Variants in OGDH observed in about 807,000 individuals in gnomAD.
The protein encoded by OGDH is 2-oxoglutarate dehydrogenase complex component E1.
In OGDH, 38 loss-of-function variants were observed where a neutral mutation model predicts 116.6. The observed-to-expected ratio is 0.33, with a 90% CI of 0.25 to 0.43. OGDH has a LOEUF of 0.43. OGDH is among the 20% of genes least tolerant of loss of function. The probability of loss-of-function intolerance (pLI) is 1.00; values close to 1 mark genes in which losing one functional copy is unlikely to be tolerated. For synonymous variants in OGDH, 488 were observed against 533.3 expected, an observed-to-expected ratio of 0.92 and a Z score of 1.17; for missense variants, 825 against 1,357.2, an observed-to-expected ratio of 0.61 and a Z score of 6.16.
intron 8 of OGDH, 23 bp downstream of exon 8, chr7:44,675,291 C>G (rs763550348): frequency 1.6e-5 from 26 of 1,593,656 alleles, no homozygotes; most frequent in Non-Finnish European, 2.2e-5. Context: ...CATAGAGACA[C>G]ATCCAGCATA....
rs545113410 is a variant in OGDH, at chr7:44,703,232, A to C, written c.2632+1617A>C. On this transcript the variant is annotated intron_variant, in intron 20 of 22. Coordinates refer to ENST00000222673, the MANE Select transcript of OGDH (RefSeq NM_002541.4). ...CAAGTTTGAGACGAGCCTGGCCAAC[A>C]GGGTGAAACCCCGTCTCTATTAAAA... Among the ~76,000 whole-genome samples, 227 of 152,194 alleles carry C rather than the reference A, an allele frequency of 1.5e-3. 1 individual carries two copies. The highest frequency in any genetic ancestry group is 5.4e-3 in the African/African-American group (223 of 41,540).
intron 1 of OGDH, among the ~76,000 whole-genome samples, chr7:44,611,821 G>C (rs914455119): frequency 2.0e-5 from 3 of 150,422 alleles, no homozygotes; most frequent in Admixed American, 2.0e-4. Context: ...TTGATGAACA[G>C]TTTTTAATTT....
At chr7:44,683,475 C>G (rs1788013380) in intron 10 of OGDH, among the ~76,000 whole-genome samples, 1 of 152,140 alleles carries the variant, frequency 6.6e-6, no homozygotes, top group South Asian at 2.1e-4. Flanking sequence ...AAGTGATCCT[C>G]CCATCTTGGT....
Position 44,628,927 on chromosome 7 carries a change from C to T in OGDH, c.222+4362C>T, listed in dbSNP as rs76107015. ...TCTCTGTGGTGGGCCCATCTGCCAT[C>T]TCCCTTTTGTTCCTACCTTTGGTCC... On this transcript the variant is annotated intron_variant, in intron 2 of 22. Coordinates refer to ENST00000222673, the MANE Select transcript of OGDH (RefSeq NM_002541.4). Among the ~76,000 whole-genome samples, 394 of 152,266 alleles carry T rather than the reference C, an allele frequency of 2.6e-3. 6 individuals carry two copies. In the East Asian group the frequency reaches 0.036, roughly 14 times the overall value.
chr7:44,675,311 T>A, intron 8 of OGDH, 43 bp downstream of exon 8: 2 of 1,486,708 alleles, frequency 1.3e-6, no homozygotes, highest in Non-Finnish European at 1.9e-6. Flanking sequence ...AGCCCCAACT[T>A]ACACAAGACC....
In OGDH at chr7:44,708,277, T is replaced by C. The variant is rs569060305; in HGVS notation, c.*278T>C. ...GAAAGGTAGCCCCCGAGGGATGTCC[T>C]TGGGGAGGGGTCAGCTCTGGCCACA... On this transcript the variant is annotated 3_prime_UTR_variant, in exon 23 of 23. Coordinates refer to ENST00000222673, the MANE Select transcript of OGDH (RefSeq NM_002541.4). 17 of 390,968 alleles carry C rather than the reference T, an allele frequency of 4.3e-5. No homozygotes were observed. Among genetic ancestry groups the C allele is most frequent in the Middle Eastern group, 7.5e-4 (1 of 1,334 alleles). The allele number at this position is 390,968 out of a possible 1,614,324, so 24.2% of individuals were successfully genotyped here. A position where few individuals can be genotyped will look rare whatever the true frequency, so the allele number is the denominator to read the frequency against.
intron 9 of OGDH, among the ~76,000 whole-genome samples, chr7:44,678,338 C>T (rs183889565): frequency 3.9e-5 from 6 of 152,194 alleles, no homozygotes; most frequent in Admixed American, 2.0e-4. Flanking sequence ...ATGAGATTAC[C>T]GAAAACTTTG....
intron 1 of OGDH, among the ~76,000 whole-genome samples, chr7:44,621,850 T>C (rs1785022067): frequency 6.7e-6 from 1 of 150,350 alleles, no homozygotes; most frequent in Non-Finnish European, 1.5e-5. Context: ...CAGCCTGGAC[T>C]ACAGAGCAAG....
At chr7:44,628,105 C>T (rs887219751) in intron 2 of OGDH, among the ~76,000 whole-genome samples, 1 of 152,208 alleles carries the variant, frequency 6.6e-6, no homozygotes, top group Non-Finnish European at 1.5e-5. Flanking sequence ...AAAATCTATT[C>T]CCTACCCCAG....
At chr7:44,706,438 C>T (rs891791045) in intron 20 of OGDH, among the ~76,000 whole-genome samples, 12 of 151,402 alleles carry the variant, frequency 7.9e-5, no homozygotes, top group African/African-American at 2.7e-4. Flanking sequence ...TCTCCTGCCT[C>T]GGCCCCCCGA....
At chr7:44,679,105 T>TA (rs1204920243) in intron 9 of OGDH, among the ~76,000 whole-genome samples, 2 of 152,190 alleles carry the variant, frequency 1.3e-5, no homozygotes, top group African/African-American at 4.8e-5. Flanking sequence ...AGCAGACAGT[T>TA]ACCACAGTGC....
intron 2 of OGDH, among the ~76,000 whole-genome samples, chr7:44,627,160 C>A (rs1165349552): frequency 6.6e-6 from 1 of 152,176 alleles, no homozygotes; most frequent in African/African-American, 2.4e-5. Context: ...CCACGCCCGG[C>A]TAATTTTTGT....
At chr7:44,674,866 G>A (rs913784342) in intron 7 of OGDH, 14 of 531,606 alleles carry the variant, frequency 2.6e-5, no homozygotes, top group Non-Finnish European at 4.4e-5. Context: ...AGGGAAGGCT[G>A]CTTCCTGACA....
intron 4 of OGDH, among the ~76,000 whole-genome samples, chr7:44,651,520 G>A (rs1786439456): frequency 6.6e-6 from 1 of 152,152 alleles, no homozygotes; most frequent in Non-Finnish European, 1.5e-5. Context: ...AACTTGTTAT[G>A]AATACAGTAA....
rs775737016 is a variant in OGDH at position 44,674,526 on chromosome 7, G to A, written c.904G>A (p.Val302Met). The A allele has an allele frequency of 4.3e-6, 7 of 1,614,128 alleles. No individual in the cohort carries two copies. Among genetic ancestry groups the A allele is most frequent in the Non-Finnish European group, 5.9e-6 (7 of 1,180,012 alleles). Residue 302 changes from valine (V) to methionine (M), a missense_variant, in exon 7 of 23, where the codon GTG (valine) becomes ATG (methionine). Physicochemically the swap from Val to Met is conservative, Grantham distance 21 (BLOSUM62 1). This residue lies in a region of OGDH where 171 missense variants were observed against 276.8 expected (regional missense o/e 0.62). Coordinates refer to ENST00000222673, the MANE Select transcript of OGDH (RefSeq NM_002541.4). Reference sequence around the variant, plus strand: ...CATTGACAAGTCTAGTGAGAATGGCGTGGACTACGTGATCATGGGCATGCC... The same window carrying A: ...CATTGACAAGTCTAGTGAGAATGGCATGGACTACGTGATCATGGGCATGCC... The part of the protein sequence containing the change: ...TIIDKSSENG[V>M]DYVIMGMPHR...
At chr7:44,666,992 G>A (rs765677097) in intron 5 of OGDH, 141 bp downstream of exon 5, 2 of 583,862 alleles carry the variant, frequency 3.4e-6, no homozygotes, top group Non-Finnish European at 5.9e-6. Flanking sequence ...CTGTCACCCA[G>A]GCTAGAATGC....
chr7:44,691,771 T>C (rs1788373692), intron 10 of OGDH, among the ~76,000 whole-genome samples: 1 of 151,066 alleles, frequency 6.6e-6, no homozygotes. Flanking sequence ...GGTCAGGAGA[T>C]TGAGACCATC....
intron 2 of OGDH, among the ~76,000 whole-genome samples, chr7:44,643,883 A>G (rs530779863): frequency 6.6e-6 from 1 of 152,358 alleles, no homozygotes; most frequent in South Asian, 2.1e-4. Flanking sequence ...GTATTGCAGA[A>G]AAGAAAAACA....
intron 4 of OGDH, among the ~76,000 whole-genome samples, chr7:44,658,467 T>G (rs1786791920): frequency 6.6e-6 from 1 of 151,236 alleles, no homozygotes; most frequent in Non-Finnish European, 1.5e-5. Flanking sequence ...TTTTTTTTTT[T>G]GTAGATTCCT....
Sources: gnomAD v4.1 joint callset for allele counts (sites outside exome capture counted in the v4.1 genomes callset) on GRCh38, gnomAD v4.1.1 for gene constraint, gnomAD v4.1.1 regional missense constraint, MANE v1.5 for transcripts, NCBI Gene and HGNC (gene_info 2026-07-23, HGNC 2026-07-21) for gene names.